The following ADAM17 variants were observed in gnomAD, a reference collection of about 807,000 sequenced individuals.
ADAM17 encodes ADAM metallopeptidase domain 17.
A neutral mutation model predicts 96.7 loss-of-function variants in ADAM17; 39 were observed. That is an observed-to-expected ratio of 0.40 (90% CI 0.31 to 0.53). The LOEUF is 0.53. ADAM17 is among the 20% of genes least tolerant of loss of function. The probability of loss-of-function intolerance (pLI) is 0.44; values close to 1 mark genes in which losing one functional copy is unlikely to be tolerated. For missense variants in ADAM17, 777 were observed against 1,013.2 expected, an observed-to-expected ratio of 0.77 and a Z score of 3.17; for synonymous variants, 344 against 359.2, an observed-to-expected ratio of 0.96 and a Z score of 0.48.
At chr2:9,555,408 C>T in intron 1 of ADAM17, 101 bp downstream of exon 1, 1 of 1,027,598 alleles carries the variant, frequency 9.7e-7, no homozygotes, top group Admixed American at 3.0e-5. Context: ...CCACCATCGC[C>T]AATACCCCGC....
At chr2:9,548,083 AAAAG>A (rs1446037174) in intron 1 of ADAM17, among the ~76,000 whole-genome samples, 2 of 151,854 alleles carry the variant, frequency 1.3e-5, no homozygotes, top group Non-Finnish European at 2.9e-5. Flanking sequence ...CAAAAAAAAA[AAAAG>A]AGAGAGAAAG....
chr2:9,491,288 A>T, intron 17 of ADAM17, 137 bp from the exon 18 acceptor site: 1 of 691,172 alleles, frequency 1.4e-6, no homozygotes. Flanking sequence ...GGCTCAACAG[A>T]TGACAATCCA....
chr2:9,546,644 CAGT>C (rs1665412730), intron 1 of ADAM17, among the ~76,000 whole-genome samples: 1 of 151,802 alleles, frequency 6.6e-6, no homozygotes, highest in Non-Finnish European at 1.5e-5. Flanking sequence ...CTGCTTCTGA[CAGT>C]AGAGTTTATT....
intron 4 of ADAM17, among the ~76,000 whole-genome samples, chr2:9,529,814 C>T (rs1664667185): frequency 1.3e-5 from 2 of 151,804 alleles, no homozygotes; most frequent in Admixed American, 6.6e-5. Flanking sequence ...TCTACTGAAA[C>T]ACAAAAATCA....
At chr2:9,493,867 A>G in intron 15 of ADAM17, 42 bp from the exon 16 acceptor site, 1 of 1,523,834 alleles carries the variant, frequency 6.6e-7, no homozygotes, top group East Asian at 2.3e-5. Context: ...TCCCAAACAC[A>G]ATGTATTCAG....
intron 1 of ADAM17, 127 bp downstream of exon 1, chr2:9,555,381 GA>G (rs945565208): frequency 3.1e-5 from 23 of 747,146 alleles, no homozygotes; most frequent in Non-Finnish European, 4.5e-5. Context: ...CTTCTACACT[GA>G]AAACTTAGGG....
chr2:9,555,601 C>A lies in ADAM17; in HGVS notation c.5G>T (p.Arg2Met). The stretch of plus-strand genomic sequence containing the variant: ...GCTGGTCAGGAATAGGAGAGACTGC[C>A]TCATGTTCCCGGCCCCGCTACCGAC... MRQSLLFLTSVV... is the reference protein window; with the variant it reads MMQSLLFLTSVV... The change falls in exon 1 of 19, where the codon AGG (arginine) becomes ATG (methionine). Residue 2 changes from arginine (R) to methionine (M), a missense_variant. Around this residue, in one of 3 missense-constraint regions of ADAM17, gnomAD observed 134 missense variants for 129.1 expected, o/e 1.04. Coordinates refer to ENST00000310823, the MANE Select transcript of ADAM17 (RefSeq NM_003183.6). The A allele has an allele frequency of 6.3e-7, 1 of 1,575,848 alleles. No homozygotes were observed. Among genetic ancestry groups the A allele is most frequent in the Non-Finnish European group, 8.6e-7 (1 of 1,160,158 alleles).
intron 14 of ADAM17, among the ~76,000 whole-genome samples, chr2:9,495,080 C>T (rs1021382500): frequency 2.0e-5 from 3 of 152,232 alleles, no homozygotes; most frequent in Non-Finnish European, 4.4e-5. Context: ...TAAATGCTTC[C>T]CTTTGTCCCA....
intron 4 of ADAM17, among the ~76,000 whole-genome samples, chr2:9,532,312 A>T (rs1021830594): frequency 1.3e-5 from 2 of 152,196 alleles, no homozygotes; most frequent in African/African-American, 4.8e-5. Context: ...GTGTGTGAAC[A>T]GCCAATCACC....
Position 9,490,522 on chromosome 2 carries a change from C to G in ADAM17, c.2134-4G>C, listed in dbSNP as rs1558490131. On this transcript the variant is annotated splice_polypyrimidine_tract_variant and splice_region_variant and intron_variant, in intron 18 of 18. Coordinates refer to ENST00000310823, the MANE Select transcript of ADAM17 (RefSeq NM_003183.6). ...TGCTGCTCAGCATTTCGACGTTCTG[C>G]AAAGACATGGGTTCAATTGATTGAT... is the stretch of plus-strand genomic sequence containing the variant. 1 of 1,608,550 alleles carries G rather than the reference C, an allele frequency of 6.2e-7. No individual in the cohort carries two copies. Among genetic ancestry groups the G allele is most frequent in the South Asian group, 1.1e-5 (1 of 90,716 alleles).
At chr2:9,542,707 T>C (rs1173848727) in intron 2 of ADAM17, among the ~76,000 whole-genome samples, 1 of 152,186 alleles carries the variant, frequency 6.6e-6, no homozygotes, top group Non-Finnish European at 1.5e-5. Context: ...ATTTTATTTA[T>C]TTATTTTTTG....
intron 2 of ADAM17, among the ~76,000 whole-genome samples, chr2:9,537,707 G>A (rs1160424285): frequency 3.3e-5 from 5 of 151,266 alleles, no homozygotes; most frequent in South Asian, 2.1e-4. Context: ...TTGACAGCGC[G>A]AGACTCCCGC....
At chr2:9,514,010 CA>C (rs565362289) in intron 10 of ADAM17, among the ~76,000 whole-genome samples, 172 of 99,954 alleles carry the variant, frequency 1.7e-3, no homozygotes, top group Middle Eastern at 5.6e-3. Flanking sequence ...AACTCCATCT[CA>C]AAAAAAAAAA....
At chr2:9,529,603 G>A (rs1347981423) in intron 4 of ADAM17, among the ~76,000 whole-genome samples, 4 of 152,124 alleles carry the variant, frequency 2.6e-5, no homozygotes, top group Non-Finnish European at 5.9e-5. Context: ...TATGGCTAAA[G>A]GATACAGCGT....
In ADAM17 at chr2:9,527,899, G is replaced by A. The variant is rs1664591203; in HGVS notation, c.506C>T (p.Ser169Phe). ...TKDKRMLVYK[S>F]EDIKNVSRLQ... ...ACGTGAAACATTCTTGATATCTTCA[G>A]ATTTATAAACTAACATTCTTTTGTC... The change falls in exon 5 of 19, where the codon TCT becomes TTT. Residue 169 changes from serine to phenylalanine, a missense_variant. Transcript: ENST00000310823. The A allele has an allele frequency of 6.3e-7, 1 of 1,592,860 alleles. No individual in the cohort carries two copies. The highest frequency in any genetic ancestry group is 8.6e-7 in the Non-Finnish European group (1 of 1,168,924).
At chr2:9,529,369 T>C (rs565822613) in intron 4 of ADAM17, among the ~76,000 whole-genome samples, 38 of 152,220 alleles carry the variant, frequency 2.5e-4, no homozygotes, top group Admixed American at 2.3e-3. Flanking sequence ...GAGAATCAGT[T>C]GAACCCAGGA....
At chr2:9,537,861 C>A (rs1252130247) in intron 2 of ADAM17, among the ~76,000 whole-genome samples, 5 of 139,940 alleles carry the variant, frequency 3.6e-5, no homozygotes, top group African/African-American at 7.9e-5. Flanking sequence ...TCCATTGGCA[C>A]CAGAAGACAG....
intron 4 of ADAM17, among the ~76,000 whole-genome samples, chr2:9,530,682 T>C (rs1010453219): frequency 6.6e-6 from 1 of 152,196 alleles, no homozygotes; most frequent in African/African-American, 2.4e-5. Context: ...GCATGATTAT[T>C]AGATAATATT....
At chr2:9,493,265 A>G (rs1329941798) in intron 16 of ADAM17, among the ~76,000 whole-genome samples, 3 of 152,230 alleles carry the variant, frequency 2.0e-5, no homozygotes, top group Admixed American at 2.0e-4. Flanking sequence ...ATGGAATGCT[A>G]CTACTAGTAA....
Sources: gnomAD v4.1 joint callset for allele counts (sites outside exome capture counted in the v4.1 genomes callset) on GRCh38, gnomAD v4.1.1 for gene constraint, gnomAD v4.1.1 regional missense constraint, MANE v1.5 for transcripts, NCBI Gene and HGNC (gene_info 2026-07-23, HGNC 2026-07-21) for gene names.